Variants in NRG3 observed in about 807,000 individuals in gnomAD.
NRG3 encodes pro-neuregulin-3, membrane-bound isoform.
Under a neutral mutation model 66.9 loss-of-function variants are expected in NRG3, and 31 were observed. The ratio of observed to expected loss-of-function variants is 0.46; its 90% CI spans 0.35 to 0.63. NRG3 has a LOEUF of 0.63. Ranked by LOEUF, NRG3 falls within the 20% of genes least tolerant of loss-of-function variation. NRG3 has a pLI of 0.00. For missense variants in NRG3, 910 were observed against 878.9 expected, an observed-to-expected ratio of 1.04 and a Z score of -0.45; for synonymous variants, 393 against 359.4, an observed-to-expected ratio of 1.09 and a Z score of -1.06.
At position 82,009,193 on chromosome 10, in the gene NRG3, G is replaced by A. The variant is rs1242040571; in HGVS notation, c.823+133030G>A. Among the ~76,000 whole-genome samples the A allele has an allele frequency of 2.0e-5, 3 of 152,240 alleles. No homozygotes were observed. In the East Asian group the frequency reaches 5.8e-4, roughly 29 times the overall value. On this transcript the variant is annotated intron_variant, in intron 1 of 8. Transcript: ENST00000372141. ...AATGTTAATGTGTATTTAGTCATAT[G>A]CAAAAAAGTACTATAGAAATTTCTG...
At chr10:82,216,813 T>C (rs1348038628) in intron 1 of NRG3, among the ~76,000 whole-genome samples, 2 of 152,168 alleles carry the variant, frequency 1.3e-5, no homozygotes, top group African/African-American at 4.8e-5. Context: ...GTTTTTGGAA[T>C]CACATTACTT....
At chr10:82,302,594 C>G (rs2080467217) in intron 1 of NRG3, among the ~76,000 whole-genome samples, 1 of 151,932 alleles carries the variant, frequency 6.6e-6, no homozygotes, top group Non-Finnish European at 1.5e-5. Context: ...CATGAAAGGG[C>G]AATACAATTT....
At chr10:82,567,659 CTG>C (rs1233912587) in intron 2 of NRG3, among the ~76,000 whole-genome samples, 1 of 151,936 alleles carries the variant, frequency 6.6e-6, no homozygotes, top group Non-Finnish European at 1.5e-5. Context: ...CAAGATATTT[CTG>C]TCTCTATAAA....
intron 2 of NRG3, among the ~76,000 whole-genome samples, chr10:82,532,079 G>A (rs1847325608): frequency 6.6e-6 from 1 of 151,718 alleles, no homozygotes; most frequent in East Asian, 1.9e-4. Context: ...CAATGGGCAA[G>A]GATCAAATCA....
intron 2 of NRG3, among the ~76,000 whole-genome samples, chr10:82,719,692 C>G (rs1170820416): frequency 6.6e-6 from 1 of 152,194 alleles, no homozygotes; most frequent in East Asian, 1.9e-4. Flanking sequence ...AGACGTCTCC[C>G]TTTCTCCCTT....
intron 6 of NRG3, among the ~76,000 whole-genome samples, chr10:82,971,563 A>C (rs1023976261): frequency 1.3e-5 from 2 of 151,594 alleles, no homozygotes; most frequent in African/African-American, 4.9e-5. Flanking sequence ...CAGCCTCCTG[A>C]GTAGCTGGGA....
intron 1 of NRG3, among the ~76,000 whole-genome samples, chr10:82,161,969 C>T (rs1192555516): frequency 6.6e-6 from 1 of 152,132 alleles, no homozygotes; most frequent in South Asian, 2.1e-4. Flanking sequence ...AGTGGCCCAT[C>T]ACTCTTGATC....
Position 82,140,886 on chromosome 10 carries a change from A to G in NRG3, c.824-217853A>G, listed in dbSNP as rs76677342. On this transcript the variant is annotated intron_variant, in intron 1 of 8. Coordinates refer to ENST00000372141, the MANE Select transcript of NRG3 (RefSeq NM_001010848.4). The stretch of plus-strand genomic sequence containing the variant: ...TTAAAACAAACTAAAAATATGAAAC[A>G]CTGGATAGTGTTAGCCTTACCTAGC... Among the ~76,000 whole-genome samples, 1,278 of 152,272 alleles carry G rather than the reference A, an allele frequency of 8.4e-3. 21 individuals are homozygous for G. Among genetic ancestry groups the G allele is most frequent in the African/African-American group, 0.029 (1,212 of 41,554 alleles).
chr10:82,821,149 A>C (rs1366974327), intron 3 of NRG3, among the ~76,000 whole-genome samples: 2 of 152,068 alleles, frequency 1.3e-5, no homozygotes, highest in East Asian at 1.9e-4. Context: ...ATGGACCTTA[A>C]CTCACCTGAG....
intron 2 of NRG3, among the ~76,000 whole-genome samples, chr10:82,468,987 T>G (rs1279103472): frequency 6.6e-6 from 1 of 152,188 alleles, no homozygotes; most frequent in Non-Finnish European, 1.5e-5. Flanking sequence ...TATTTAACTC[T>G]TATAGCTCAG....
intron 2 of NRG3, among the ~76,000 whole-genome samples, chr10:82,476,828 C>T (rs547871117): frequency 2.3e-4 from 35 of 152,108 alleles, no homozygotes; most frequent in African/African-American, 8.2e-4. Context: ...GAAGAGTATA[C>T]TTAAAAATGG....
In NRG3 at chr10:82,716,925, A is replaced by C. The variant is rs2057005848; in HGVS notation, c.954-21652A>C. ...TGATAAAATTACATAATATGAAAAC[A>C]TAATTTTAATATACATTTTACTGAG... On this transcript the variant is annotated intron_variant, in intron 2 of 8. Coordinates refer to ENST00000372141, the MANE Select transcript of NRG3 (RefSeq NM_001010848.4). Among the ~76,000 whole-genome samples the C allele has an allele frequency of 2.0e-5, 3 of 152,234 alleles. No individual in the cohort carries two copies. The South Asian group carries it at 6.2e-4, about 31-fold the overall frequency.
At chr10:82,094,122 T>G (rs2066196331) in intron 1 of NRG3, among the ~76,000 whole-genome samples, 1 of 152,188 alleles carries the variant, frequency 6.6e-6, no homozygotes, top group Non-Finnish European at 1.5e-5. Context: ...TGAAAGAGAC[T>G]TTGAGAGCCA....
At chr10:82,661,131 A>T (rs2052324849) in intron 2 of NRG3, among the ~76,000 whole-genome samples, 1 of 152,128 alleles carries the variant, frequency 6.6e-6, no homozygotes, top group Non-Finnish European at 1.5e-5. Flanking sequence ...TCTTACTTAA[A>T]TATTTACTAT....
intron 1 of NRG3, among the ~76,000 whole-genome samples, chr10:82,152,473 C>T (rs935397249): frequency 3.3e-5 from 5 of 152,038 alleles, no homozygotes; most frequent in Admixed American, 2.6e-4. Context: ...AGATCTGGGG[C>T]AGAGTTCAGG....
At chr10:81,972,084 A>G (rs1055005576) in intron 1 of NRG3, among the ~76,000 whole-genome samples, 1 of 152,180 alleles carries the variant, frequency 6.6e-6, no homozygotes, top group African/African-American at 2.4e-5. Context: ...ATTGGATAGT[A>G]CTCAGAGTGT....
chr10:82,529,465 C>T (rs1231252447), intron 2 of NRG3, among the ~76,000 whole-genome samples: 3 of 152,220 alleles, frequency 2.0e-5, no homozygotes, highest in Admixed American at 6.5e-5. Flanking sequence ...TAAATGCTAT[C>T]ACTACAGTGG....
chr10:82,336,884 A>G (rs2082418688), intron 1 of NRG3, among the ~76,000 whole-genome samples: 1 of 152,224 alleles, frequency 6.6e-6, no homozygotes, highest in Non-Finnish European at 1.5e-5. Context: ...TTGCTTTCCA[A>G]CAATCACAGA....
chr10:82,554,357 C>A (rs2044511999), intron 2 of NRG3, among the ~76,000 whole-genome samples: 1 of 152,094 alleles, frequency 6.6e-6, no homozygotes, highest in African/African-American at 2.4e-5. Flanking sequence ...CATTACACAG[C>A]ATATACCTGT....
Sources: gnomAD v4.1 joint callset for allele counts (sites outside exome capture counted in the v4.1 genomes callset) on GRCh38, gnomAD v4.1.1 for gene constraint, MANE v1.5 for transcripts, NCBI Gene and HGNC (gene_info 2026-07-23, HGNC 2026-07-21) for gene names.